Variants in NPEPPS observed in about 807,000 individuals in gnomAD.
NPEPPS encodes puromycin-sensitive aminopeptidase.
Under a neutral mutation model 115.5 loss-of-function variants are expected in NPEPPS, and 14 were observed. The ratio of observed to expected loss-of-function variants is 0.12; its 90% CI spans 0.08 to 0.19. NPEPPS has a LOEUF of 0.19. Ranked by LOEUF, NPEPPS falls within the 10% of genes least tolerant of loss-of-function variation. NPEPPS has a pLI of 1.00. For synonymous variants in NPEPPS, 285 were observed against 390.6 expected, an observed-to-expected ratio of 0.73 and a Z score of 3.19; for missense variants, 523 against 1,110.8, an observed-to-expected ratio of 0.47 and a Z score of 7.52.
chr17:47,529,737 TTATA>T (rs56043348), upstream of NPEPPS, among the ~76,000 whole-genome samples: 99 of 25,642 alleles, frequency 3.9e-3, 18 homozygotes, highest in East Asian at 0.032. Context: ...TTCAGTTACA[TTATA>T]TATATATATA....
chr17:47,610,806 A>G (rs1913809409), intron 17 of NPEPPS, among the ~76,000 whole-genome samples: 3 of 150,172 alleles, frequency 2.0e-5, no homozygotes, highest in South Asian at 2.1e-4. Flanking sequence ...TTTATTTTCA[A>G]GATACCTAAG....
intron 19 of NPEPPS, among the ~76,000 whole-genome samples, chr17:47,616,824 G>A (rs1023752861): frequency 3.4e-5 from 5 of 148,136 alleles, no homozygotes; most frequent in Admixed American, 1.3e-4. Context: ...TCAACACAGC[G>A]AGACCCCATC....
At chr17:47,540,449 T>TGGGA in intron 1 of NPEPPS, among the ~76,000 whole-genome samples, 1 of 152,298 alleles carries the variant, frequency 6.6e-6, no homozygotes, top group East Asian at 1.9e-4. Context: ...GTGTCAAAGG[T>TGGGA]GGGAAATCAT....
chr17:47,603,952 A>T lies in NPEPPS; in HGVS notation c.1778A>T (p.Tyr593Phe). ...ACAGTTGGGTTTTATCGGACCCAGT[A>T]CAGCTCTGCCATGCTGGAAAGTTTA... Reference protein sequence around the residue: ...LGTVGFYRTQYSSAMLESLLP... With the variant: ...LGTVGFYRTQFSSAMLESLLP... Residue 593 changes from tyrosine to phenylalanine, a missense_variant, in exon 16 of 23, where the codon TAC (tyrosine) becomes TTC (phenylalanine). By Grantham distance (22) the Tyr-to-Phe change is conservative. This residue lies in a region of NPEPPS where 372 missense variants were observed against 542.6 expected (regional missense o/e 0.69). Coordinates refer to ENST00000322157, the MANE Select transcript of NPEPPS (RefSeq NM_006310.4). The T allele has an allele frequency of 6.2e-7, 1 of 1,613,448 alleles. No homozygotes were observed. Among genetic ancestry groups the T allele is most frequent in the Non-Finnish European group, 8.5e-7 (1 of 1,179,608 alleles).
At chr17:47,554,953 A>G (rs1247494137) in intron 2 of NPEPPS, among the ~76,000 whole-genome samples, 1 of 152,232 alleles carries the variant, frequency 6.6e-6, no homozygotes, top group South Asian at 2.1e-4. Context: ...AGAACAGTAC[A>G]GTTTAAAACT....
chr17:47,551,470 A>ATAT (rs908591725), intron 2 of NPEPPS, among the ~76,000 whole-genome samples: 1 of 142,810 alleles, frequency 7.0e-6, no homozygotes, highest in Non-Finnish European at 1.5e-5. Flanking sequence ...TTTTTATTAA[A>ATAT]TATTATTATT....
intron 4 of NPEPPS, chr17:47,581,423 G>A (rs1911866373): frequency 6.6e-6 from 1 of 152,000 alleles, no homozygotes; most frequent in Admixed American, 6.6e-5. Flanking sequence ...TCTAGTATCT[G>A]TCTCTCAAAT....
chr17:47,550,010 C>T (rs904570001), intron 2 of NPEPPS, among the ~76,000 whole-genome samples: 2 of 150,446 alleles, frequency 1.3e-5, no homozygotes, highest in African/African-American at 4.9e-5. Context: ...TCTCGGCTCA[C>T]TGCAAGCTCT....
In NPEPPS at chr17:47,587,270, T is replaced by G. The variant is rs1407980672; in HGVS notation, c.1021T>G (p.Ser341Ala). The G allele has an allele frequency of 6.2e-7, 1 of 1,607,552 alleles. No individual in the cohort carries two copies. Among genetic ancestry groups the G allele is most frequent in the South Asian group, 1.1e-5 (1 of 89,438 alleles). The change falls in exon 9 of 23, where the codon TCA becomes GCA. Residue 341 changes from serine (S) to alanine (A), a missense_variant. Physicochemically the swap from Ser to Ala is moderately conservative, Grantham distance 99 (BLOSUM62 1). Around this residue, in one of 4 missense-constraint regions of NPEPPS, gnomAD observed 144 missense variants for 512.4 expected, o/e 0.28. Coordinates refer to ENST00000322157, the MANE Select transcript of NPEPPS (RefSeq NM_006310.4). ...TATTGATCCAAAAAATTCCTGTTCTTCATCCCGCCAGTGGGTTGCTCTGGT... is the reference window on the plus strand; with the variant it reads ...TATTGATCCAAAAAATTCCTGTTCTGCATCCCGCCAGTGGGTTGCTCTGGT... ...LLIDPKNSCS[S>A]SRQWVALVVG...
chr17:47,588,916 T>A (rs1170557259), intron 9 of NPEPPS, among the ~76,000 whole-genome samples: 1 of 152,134 alleles, frequency 6.6e-6, no homozygotes, highest in African/African-American at 2.4e-5. Context: ...TCACTTAATA[T>A]CAAAATAATT....
intron 3 of NPEPPS, among the ~76,000 whole-genome samples, chr17:47,578,910 G>A (rs1330623548): frequency 6.6e-6 from 1 of 152,088 alleles, no homozygotes; most frequent in African/African-American, 2.4e-5. Context: ...CATGAATTCT[G>A]GACTTAAACA....
chr17:47,591,385 AAG>A (rs1275594005), intron 10 of NPEPPS, among the ~76,000 whole-genome samples: 2 of 152,214 alleles, frequency 1.3e-5, no homozygotes, highest in Non-Finnish European at 2.9e-5. Context: ...AAAAAAGAAA[AAG>A]AATAGTATGG....
intron 2 of NPEPPS, among the ~76,000 whole-genome samples, chr17:47,550,003 C>T (rs758459069): frequency 1.0e-4 from 15 of 149,798 alleles, no homozygotes; most frequent in African/African-American, 2.5e-4. Context: ...GGCGCAGTCT[C>T]GGCTCACTGC....
intron 2 of NPEPPS, among the ~76,000 whole-genome samples, chr17:47,549,360 G>T (rs1385810814): frequency 2.0e-5 from 3 of 151,872 alleles, no homozygotes; most frequent in Non-Finnish European, 4.4e-5. Context: ...TTTTCCTTCA[G>T]AACTAGCTAA....
chr17:47,588,354 G>A (rs1567859883), intron 9 of NPEPPS, among the ~76,000 whole-genome samples: 2 of 152,056 alleles, frequency 1.3e-5, no homozygotes, highest in African/African-American at 4.8e-5. Flanking sequence ...TTGAGGTCAC[G>A]TGTTTGAGAC....
At chr17:47,524,878 A>G (rs1343086814) in intron 1 of NPEPPS, among the ~76,000 whole-genome samples, 1 of 149,942 alleles carries the variant, frequency 6.7e-6, no homozygotes, top group Admixed American at 6.7e-5. Context: ...CTTGGCCTCA[A>G]GTCATCCTCC....
chr17:47,589,591 C>A (rs1222600036), intron 9 of NPEPPS, among the ~76,000 whole-genome samples: 3 of 152,140 alleles, frequency 2.0e-5, no homozygotes, highest in Admixed American at 2.0e-4. Context: ...TAGGCTTAAT[C>A]AACTTTAATA....
intron 8 of NPEPPS, chr17:47,586,702 AT>A (rs1912205426): frequency 2.0e-6 from 1 of 509,504 alleles, no homozygotes; most frequent in African/African-American, 1.9e-5. Flanking sequence ...ACCTTCCCTA[AT>A]TTCATATCTT....
At chr17:47,525,899 A>G in intron 1 of NPEPPS, among the ~76,000 whole-genome samples, 1 of 152,220 alleles carries the variant, frequency 6.6e-6, no homozygotes, top group Admixed American at 6.5e-5. Flanking sequence ...GCAAAGATAC[A>G]CATATAAAAT....
Sources: gnomAD v4.1 joint callset for allele counts (sites outside exome capture counted in the v4.1 genomes callset) on GRCh38, gnomAD v4.1.1 for gene constraint, gnomAD v4.1.1 regional missense constraint, MANE v1.5 for transcripts, NCBI Gene and HGNC (gene_info 2026-07-23, HGNC 2026-07-21) for gene names.